FRMD5: variants seen among roughly 807,000 people sequenced by gnomAD.
FRMD5 encodes the protein FERM domain containing 5.
Under a neutral mutation model 69.0 loss-of-function variants are expected in FRMD5, and 20 were observed. The observed-to-expected ratio is 0.29, with a 90% confidence interval of 0.20 to 0.42. The LOEUF (loss-of-function observed/expected upper bound fraction) is 0.42. Among genes scored for constraint, FRMD5 ranks in the 10% least tolerant of loss-of-function variants. The pLI is 1.00. For synonymous variants in FRMD5, 271 were observed against 260.1 expected, an observed-to-expected ratio of 1.04 and a Z score of -0.40; for missense variants, 595 against 708.6, an observed-to-expected ratio of 0.84 and a Z score of 1.82.
At chr15:43,912,315 A>G (rs2089303222) in intron 4 of FRMD5, among the ~76,000 whole-genome samples, 1 of 152,150 alleles carries the variant, frequency 6.6e-6, no homozygotes, top group Non-Finnish European at 1.5e-5. Flanking sequence ...AGGAAAAAAG[A>G]CATCATGTAG....
chr15:44,057,259 C>T (rs553384564), intron 1 of FRMD5, among the ~76,000 whole-genome samples: 1 of 151,970 alleles, frequency 6.6e-6, no homozygotes, highest in Non-Finnish European at 1.5e-5. Context: ...CCAGTAGCCA[C>T]CACGCCTGGC....
intron 1 of FRMD5, among the ~76,000 whole-genome samples, chr15:44,017,839 A>G (rs1595629340): frequency 6.6e-6 from 1 of 151,728 alleles, no homozygotes; most frequent in Non-Finnish European, 1.5e-5. Context: ...TCGATCTCCT[A>G]ACCTCGTGAT....
At chr15:44,173,834 T>C (rs1191177346) in intron 1 of FRMD5, among the ~76,000 whole-genome samples, 1 of 152,168 alleles carries the variant, frequency 6.6e-6, no homozygotes, top group Admixed American at 6.5e-5. Context: ...TTTTTAAAAA[T>C]CCTGTGTGTT....
At chr15:44,164,728 TACTCAGAC>T (rs1382112395) in intron 1 of FRMD5, among the ~76,000 whole-genome samples, 2 of 152,226 alleles carry the variant, frequency 1.3e-5, no homozygotes. Flanking sequence ...TGGGCTTGGC[TACTCAGAC>T]ACTCCTACCT....
chr15:43,902,964 G>A (rs1311997528), intron 6 of FRMD5, among the ~76,000 whole-genome samples: 2 of 152,200 alleles, frequency 1.3e-5, no homozygotes, highest in Non-Finnish European at 2.9e-5. Context: ...AGAGGCAGGA[G>A]ACAGTGCTGA....
intron 1 of FRMD5, among the ~76,000 whole-genome samples, chr15:44,175,604 C>T (rs947797411): frequency 7.2e-5 from 11 of 152,076 alleles, no homozygotes; most frequent in Non-Finnish European, 1.5e-4. Context: ...AGTAACTCTA[C>T]TTCTAGGTAT....
chr15:44,098,394 G>C (rs954049058), intron 1 of FRMD5, among the ~76,000 whole-genome samples: 21 of 151,896 alleles, frequency 1.4e-4, no homozygotes, highest in African/African-American at 3.6e-4. Context: ...GTGTGGTGGT[G>C]CATGCCTGTA....
chr15:44,129,787 C>T (rs1443559872), intron 1 of FRMD5, among the ~76,000 whole-genome samples: 1 of 152,122 alleles, frequency 6.6e-6, no homozygotes, highest in African/African-American at 2.4e-5. Flanking sequence ...TTTTCACAGT[C>T]ATTTTGTTTC....
At chr15:43,934,694 C>T (rs543781605) in intron 1 of FRMD5, among the ~76,000 whole-genome samples, 4 of 152,320 alleles carry the variant, frequency 2.6e-5, no homozygotes, top group Admixed American at 2.6e-4. Flanking sequence ...GGAAAAGTCC[C>T]ATTAGATCAT....
At chr15:43,875,160 G>A (rs1038316550) in intron 13 of FRMD5, among the ~76,000 whole-genome samples, 1 of 151,924 alleles carries the variant, frequency 6.6e-6, no homozygotes, top group African/African-American at 2.4e-5. Context: ...TCGTGCCACT[G>A]CACTCCAGCC....
chr15:44,001,522 T>C (rs1055110528), intron 1 of FRMD5, among the ~76,000 whole-genome samples: 1 of 152,040 alleles, frequency 6.6e-6, no homozygotes, highest in African/African-American at 2.4e-5. Flanking sequence ...TCTTCTAGGA[T>C]TTTTATGGTT....
intron 1 of FRMD5, among the ~76,000 whole-genome samples, chr15:43,962,358 G>T (rs1437311968): frequency 1.3e-5 from 2 of 152,152 alleles, no homozygotes; most frequent in African/African-American, 4.8e-5. Flanking sequence ...GGGACGTGAA[G>T]GACCTCTTCA....
Position 43,873,083 on chromosome 15 carries a change from C to T in FRMD5, c.*802G>A, listed in dbSNP as rs1045309448. 1.6e-5 allele frequency: 20 copies of T among 1,237,804 alleles called. No individual in the cohort carries two copies. The highest frequency in any genetic ancestry group is 7.6e-5 in the African/African-American group (5 of 65,420). 76.7% of individuals were successfully genotyped at this position (1,237,804 alleles called of 1,614,324 possible). A position where few individuals can be genotyped will look rare whatever the true frequency, so the allele number is the denominator to read the frequency against. On this transcript the variant is annotated 3_prime_UTR_variant, in exon 14 of 14. Coordinates refer to ENST00000417257, the MANE Select transcript of FRMD5 (RefSeq NM_032892.5). ...GCACTATAAAAGTCTTGAGGTTCTT[C>T]GGAAAAAAAAAATCACGTTAAGTCT...
intron 1 of FRMD5, among the ~76,000 whole-genome samples, chr15:44,019,670 G>A (rs1891121670): frequency 6.8e-6 from 1 of 146,620 alleles, no homozygotes; most frequent in East Asian, 2.0e-4. Flanking sequence ...CCGGGAAGCG[G>A]AGGTTGCAGT....
At chr15:43,927,093 C>T (rs1439209267) in intron 1 of FRMD5, among the ~76,000 whole-genome samples, 1 of 152,092 alleles carries the variant, frequency 6.6e-6, no homozygotes, top group Non-Finnish European at 1.5e-5. Context: ...ATGACTCTCT[C>T]AAGTATGCCT....
chr15:43,883,080 G>A (rs1372593937), intron 13 of FRMD5, among the ~76,000 whole-genome samples: 1 of 151,784 alleles, frequency 6.6e-6, no homozygotes, highest in Non-Finnish European at 1.5e-5. Context: ...ACAGGCGTGA[G>A]CCACTGCGCC....
intron 1 of FRMD5, among the ~76,000 whole-genome samples, chr15:44,137,733 A>T (rs1273791903): frequency 1.3e-5 from 2 of 152,146 alleles, no homozygotes; most frequent in Non-Finnish European, 2.9e-5. Context: ...TGGAACAGAA[A>T]CAGAAAGCAG....
chr15:44,157,351 G>A (rs938967570), intron 1 of FRMD5, among the ~76,000 whole-genome samples: 1 of 152,130 alleles, frequency 6.6e-6, no homozygotes, highest in African/African-American at 2.4e-5. Context: ...ATCTACCTGT[G>A]AGGTCCTCTC....
chr15:44,080,434 T>C (rs1893951514), intron 1 of FRMD5, among the ~76,000 whole-genome samples: 1 of 152,126 alleles, frequency 6.6e-6, no homozygotes, highest in Non-Finnish European at 1.5e-5. Flanking sequence ...TTTTTGTATG[T>C]GTATCTACAT....
Sources: gnomAD v4.1 joint callset for allele counts (sites outside exome capture counted in the v4.1 genomes callset) on GRCh38, gnomAD v4.1.1 for gene constraint, MANE v1.5 for transcripts, NCBI Gene and HGNC (gene_info 2026-07-23, HGNC 2026-07-21) for gene names.